Variants in ROBO2 observed in about 807,000 individuals in gnomAD.
ROBO2 encodes the protein roundabout homolog 2.
In ROBO2, 53 loss-of-function variants were observed where a neutral mutation model predicts 160.8. That is an observed-to-expected ratio of 0.33 (90% CI 0.26 to 0.41). The LOEUF is 0.41. Ranked by LOEUF, ROBO2 falls within the 10% of genes least tolerant of loss-of-function variation. The pLI is 1.00. For missense variants in ROBO2, 1,577 were observed against 1,722.4 expected (o/e 0.92, Z 1.49); for synonymous variants, 664 against 611.7 (o/e 1.09, Z -1.26).
rs1487388304 is a variant in ROBO2 at position 76,432,219 on chromosome 3, C to G, written c.109+494617C>G. On this transcript the variant is annotated intron_variant, in intron 2 of 26. Transcript: ENST00000487694. ...TTGTATAGACAGTATATATTCTGCTCTAGTGTTTTATGGTCTCAAAAGTAT... is the reference window on the plus strand; with the variant it reads ...TTGTATAGACAGTATATATTCTGCTGTAGTGTTTTATGGTCTCAAAAGTAT... Among the ~76,000 whole-genome samples the G allele has an allele frequency of 3.3e-5, 5 of 152,234 alleles. No individual in the cohort carries two copies. The South Asian group carries it at 8.3e-4, about 25-fold the overall frequency.
intron 2 of ROBO2, among the ~76,000 whole-genome samples, chr3:77,193,179 A>G (rs1006680240): frequency 1.4e-4 from 21 of 151,956 alleles, no homozygotes; most frequent in Non-Finnish European, 2.8e-4. Flanking sequence ...GGAAGAAACC[A>G]CGTCCCAGGC....
At chr3:77,094,253 T>C (rs2070737760) in intron 1 of ROBO2, among the ~76,000 whole-genome samples, 1 of 152,220 alleles carries the variant, frequency 6.6e-6, no homozygotes, top group South Asian at 2.1e-4. Context: ...GTACAATATA[T>C]GGTCCATTGC....
intron 2 of ROBO2, among the ~76,000 whole-genome samples, chr3:76,716,835 G>A (rs1576198291): frequency 6.6e-6 from 1 of 152,280 alleles, no homozygotes. Context: ...GGCAAGCTCT[G>A]CCCCACATTA....
chr3:77,609,791 CATATATATATAT>C (rs34908269), intron 21 of ROBO2, among the ~76,000 whole-genome samples: 1 of 143,698 alleles, frequency 7.0e-6, no homozygotes, highest in Non-Finnish European at 1.5e-5. Context: ...TTTATATATA[CATATATATATAT>C]ATATATATTT....
At chr3:75,984,029 C>T (rs2065346759) in intron 2 of ROBO2, among the ~76,000 whole-genome samples, 1 of 151,310 alleles carries the variant, frequency 6.6e-6, no homozygotes, top group Non-Finnish European at 1.5e-5. Context: ...AGGGAGATAC[C>T]TAAATATTTC....
At chr3:76,276,102 C>A (rs536321799) in intron 2 of ROBO2, among the ~76,000 whole-genome samples, 230 of 151,970 alleles carry the variant, frequency 1.5e-3, no homozygotes, top group African/African-American at 5.4e-3. Context: ...ACTCAAAAAT[C>A]CAACAGTCAA....
chr3:76,215,678 G>A (rs1053961720), intron 2 of ROBO2, among the ~76,000 whole-genome samples: 7 of 152,146 alleles, frequency 4.6e-5, no homozygotes, highest in Non-Finnish European at 1.0e-4. Context: ...CCAAATCTAT[G>A]TCTAATTGGT....
chr3:76,830,814 A>AG (rs943545108), intron 2 of ROBO2, among the ~76,000 whole-genome samples: 1 of 150,952 alleles, frequency 6.6e-6, no homozygotes, highest in African/African-American at 2.4e-5. Flanking sequence ...TCATTTCTAA[A>AG]AAAAAAAAAA....
intron 2 of ROBO2, among the ~76,000 whole-genome samples, chr3:77,399,191 AC>A (rs2075574204): frequency 6.6e-6 from 1 of 152,188 alleles, no homozygotes; most frequent in African/African-American, 2.4e-5. Flanking sequence ...GGCACTTAAA[AC>A]AGTTAACTAC....
exon 9 of ROBO2, chr3:77,558,061 G>C (rs1445615770): frequency 6.2e-7 from 1 of 1,613,116 alleles, no homozygotes; most frequent in Non-Finnish European, 8.5e-7. Flanking sequence ...CCTGTAATTA[G>C]CTGGTTAAAG....
At chr3:77,643,976 T>C (rs1010713818) in intron 24 of ROBO2, among the ~76,000 whole-genome samples, 2 of 152,012 alleles carry the variant, frequency 1.3e-5, no homozygotes, top group Middle Eastern at 3.4e-3. Flanking sequence ...TAATAGCCCA[T>C]ACATAGAAAG....
At chr3:77,074,414 A>G (rs983443557) in intron 1 of ROBO2, among the ~76,000 whole-genome samples, 5 of 152,202 alleles carry the variant, frequency 3.3e-5, no homozygotes, top group Non-Finnish European at 5.9e-5. Flanking sequence ...TTCCATGAAC[A>G]CTAATGCAAT....
At chr3:76,450,286 T>G (rs2109260046) in intron 2 of ROBO2, among the ~76,000 whole-genome samples, 1 of 152,322 alleles carries the variant, frequency 6.6e-6, no homozygotes, top group African/African-American at 2.4e-5. Flanking sequence ...TTCAGGAAAT[T>G]GTGATGTTTA....
intron 6 of ROBO2, among the ~76,000 whole-genome samples, chr3:77,537,880 G>A (rs1327241449): frequency 1.3e-5 from 2 of 152,056 alleles, no homozygotes; most frequent in Non-Finnish European, 1.5e-5. Flanking sequence ...GCAGGGTAAA[G>A]ACCCTGCCCC....
chr3:76,990,575 GCTCC>G (rs2060608809), intron 2 of ROBO2, among the ~76,000 whole-genome samples: 1 of 152,166 alleles, frequency 6.6e-6, no homozygotes, highest in Non-Finnish European at 1.5e-5. Context: ...GCAGGAGAGG[GCTCC>G]CTCTGGCCCC....
intron 2 of ROBO2, among the ~76,000 whole-genome samples, chr3:76,356,308 ATAAAG>A (rs1229096211): frequency 6.6e-6 from 1 of 151,636 alleles, no homozygotes; most frequent in African/African-American, 2.4e-5. Context: ...ATAGAATAAA[ATAAAG>A]TAATACAGCT....
At chr3:76,194,213 A>G (rs1480432683) in intron 2 of ROBO2, among the ~76,000 whole-genome samples, 2 of 151,044 alleles carry the variant, frequency 1.3e-5, no homozygotes, top group Non-Finnish European at 3.0e-5. Context: ...TTTATTTTCT[A>G]TTGTTATTCC....
intron 2 of ROBO2, among the ~76,000 whole-genome samples, chr3:76,737,610 G>A (rs1260009679): frequency 2.0e-5 from 3 of 152,030 alleles, no homozygotes; most frequent in Non-Finnish European, 4.4e-5. Flanking sequence ...TTTTTCCTTA[G>A]CTATATAAAA....
chr3:77,434,037 C>A (rs2079050182), intron 2 of ROBO2, among the ~76,000 whole-genome samples: 1 of 152,094 alleles, frequency 6.6e-6, no homozygotes. Flanking sequence ...CTCTTCGCAC[C>A]AATCATGTTG....
Sources: allele counts gnomAD v4.1 joint callset (sites outside exome capture counted in the v4.1 genomes callset), GRCh38; gene constraint gnomAD v4.1.1; transcripts MANE v1.5; gene names NCBI Gene and HGNC (gene_info 2026-07-23, HGNC 2026-07-21).